DYNC1H1: variants seen among roughly 807,000 people sequenced by gnomAD.
DYNC1H1 encodes dynein cytoplasmic 1 heavy chain 1, also known as cytoplasmic dynein 1 heavy chain 1.
A neutral mutation model predicts 527.1 loss-of-function variants in DYNC1H1; 51 were observed. The observed-to-expected ratio is 0.10, with a 90% CI of 0.08 to 0.12. The LOEUF is 0.12. Among genes scored for constraint, DYNC1H1 ranks in the 10% least tolerant of loss-of-function variants. The pLI is 1.00. For missense variants in DYNC1H1, 2,771 were observed against 5,971.8 expected (o/e 0.46, Z 17.66); for synonymous variants, 2,189 against 2,278.8 (o/e 0.96, Z 1.12).
At chr14:101,994,353 T>A in intron 12 of DYNC1H1, 29 bp downstream of exon 12, 1 of 1,614,094 alleles carries the variant, frequency 6.2e-7, no homozygotes, top group East Asian at 2.2e-5. Context: ...CATTCAAATG[T>A]GCATATGGTC....
intron 42 of DYNC1H1, among the ~76,000 whole-genome samples, chr14:102,022,265 G>A (rs1057291603): frequency 6.6e-6 from 1 of 151,962 alleles, no homozygotes; most frequent in African/African-American, 2.4e-5. Flanking sequence ...GGGAGGCCGA[G>A]GCGGGCGGAT....
chr14:102,038,286 T>C lies in DYNC1H1; in HGVS notation c.10909-174T>C, dbSNP rs537298040. On this transcript the variant is annotated intron_variant, in intron 57 of 77. Transcript: ENST00000360184. This position sits in a 1 kb window ranked among gnomAD's most constrained non-coding sequence, Gnocchi z 7.2. ...GAGCCACCGCATCTGGCTGAGTTTT[T>C]AATTTTAGTTCATTTAAATGTAAGT... 4 of 1,148,958 alleles carry C rather than the reference T, an allele frequency of 3.5e-6. No individual in the cohort carries two copies. The African/African-American group carries it at 6.1e-5, about 18-fold the overall frequency. The allele number at this position is 1,148,958 out of a possible 1,614,324, so 71.2% of individuals were successfully genotyped here.
rs767550205 is a variant in DYNC1H1 at position 102,028,117 on chromosome 14, G to T, written c.9444G>T (p.Val3148=). ...SHREAIVNSC[V]FVHQTLHQAN... The stretch of plus-strand genomic sequence containing the variant: ...GGGAAGCCATTGTGAACAGCTGTGT[G>T]TTTGTTCATCAGACTCTTCACCAGG... The change falls in exon 48 of 78, where the codon GTG becomes GTT. Residue 3148 remains valine (V), a synonymous_variant. Coordinates refer to ENST00000360184, the MANE Select transcript of DYNC1H1 (RefSeq NM_001376.5). The T allele has an allele frequency of 1.2e-6, 2 of 1,614,016 alleles. No individual in the cohort carries two copies. The highest frequency in any genetic ancestry group is 1.3e-5 in the African/African-American group (1 of 74,938).
chr14:102,026,480 C>G, intron 43 of DYNC1H1, 94 bp from the exon 44 acceptor site: 2 of 1,361,576 alleles, frequency 1.5e-6, no homozygotes, highest in Admixed American at 3.8e-5. Context: ...GCATTTTTAA[C>G]AGTTTCTTCA....
chr14:102,038,049 C>T lies in DYNC1H1; in HGVS notation c.10909-411C>T. On this transcript the variant is annotated intron_variant, in intron 57 of 77. Coordinates refer to ENST00000360184, the MANE Select transcript of DYNC1H1 (RefSeq NM_001376.5). The surrounding 1 kb of genome is among the most constrained non-coding windows in gnomAD (Gnocchi z 7.2). Reference sequence around the variant, plus strand: ...TATGTTTTTTTGAGACAGAGTGTTGCTCTGTCCCCCAGTCTGAACCTCCCA... The same window carrying T: ...TATGTTTTTTTGAGACAGAGTGTTGTTCTGTCCCCCAGTCTGAACCTCCCA... The T allele has an allele frequency of 3.0e-6, 1 of 331,372 alleles. No homozygotes were observed. The highest frequency in any genetic ancestry group is 5.9e-6 in the Non-Finnish European group (1 of 169,514). 20.5% of individuals were successfully genotyped at this position (331,372 alleles called of 1,614,324 possible).
rs572865552 is a variant in DYNC1H1 at position 101,995,222 on chromosome 14, C to T, written c.3486C>T (p.Ser1162=). Residue 1162 remains serine (S), a synonymous_variant, in exon 15 of 78, where the codon AGC becomes AGT. Coordinates refer to ENST00000360184, the MANE Select transcript of DYNC1H1 (RefSeq NM_001376.5). ...ELEQHSVDTA[S]TSDAVTFITY... Reference sequence around the variant, plus strand: ...AGCAGCACTCAGTAGACACGGCCAGCACCTCCGATGCAGTGACCTTCATCA... The same window carrying T: ...AGCAGCACTCAGTAGACACGGCCAGTACCTCCGATGCAGTGACCTTCATCA... 6.2e-7 allele frequency: 1 copy of T among 1,614,224 alleles called. No homozygotes were observed. The highest frequency in any genetic ancestry group is 8.5e-7 in the Non-Finnish European group (1 of 1,180,042).
chr14:101,991,270 T>C (rs1364621521), intron 10 of DYNC1H1, among the ~76,000 whole-genome samples: 1 of 152,126 alleles, frequency 6.6e-6, no homozygotes, highest in Non-Finnish European at 1.5e-5. Context: ...GGTCAGGAGT[T>C]TGAGACCAAC....
intron 51 of DYNC1H1, among the ~76,000 whole-genome samples, chr14:102,032,042 A>G (rs558657256): frequency 1.3e-4 from 20 of 152,352 alleles, no homozygotes; most frequent in Admixed American, 1.0e-3. Context: ...CTGCTTTTTA[A>G]GGAATGCTAG....
rs1396151978 is a variant in DYNC1H1 at position 102,020,090 on chromosome 14, C to G, written c.8507+34C>G. On this transcript the variant is annotated intron_variant, in intron 42 of 77. Coordinates refer to ENST00000360184, the MANE Select transcript of DYNC1H1 (RefSeq NM_001376.5). The surrounding 1 kb of genome is among the most constrained non-coding windows in gnomAD (Gnocchi z 4.3). ...AGCCGAGGATCCAGTTGGTCCCATT[C>G]TCCCCTGCTCTGAGTTCTTACAGCT... 1.2e-5 allele frequency: 20 copies of G among 1,611,458 alleles called. No homozygotes were observed. The highest frequency in any genetic ancestry group is 1.7e-5 in the Non-Finnish European group (20 of 1,178,910).
rs2047895232 is a variant in DYNC1H1, at chr14:101,983,741, G to A, written c.1461+132G>A. The A allele has an allele frequency of 9.4e-7, 1 of 1,066,636 alleles. No individual in the cohort carries two copies. Among genetic ancestry groups the A allele is most frequent in the South Asian group, 1.4e-5 (1 of 71,146 alleles). The allele number at this position is 1,066,636 out of a possible 1,614,324, so 66.1% of individuals were successfully genotyped here. On this transcript the variant is annotated intron_variant, in intron 7 of 77. Transcript: ENST00000360184. This position sits in a 1 kb window ranked among gnomAD's most constrained non-coding sequence, Gnocchi z 5.3. ...TGCCCAGGCTGGAGTGCAATGGCATGATCTTGGCTCACTGCAACCTCCGCC... is the reference window on the plus strand; with the variant it reads ...TGCCCAGGCTGGAGTGCAATGGCATAATCTTGGCTCACTGCAACCTCCGCC...
In DYNC1H1 at chr14:102,039,523, A is replaced by C. The variant is rs768800353; in HGVS notation, c.11572A>C (p.Ile3858Leu). 6.2e-7 allele frequency: 1 copy of C among 1,614,098 alleles called. No individual in the cohort carries two copies. Among genetic ancestry groups the C allele is most frequent in the African/African-American group, 1.3e-5 (1 of 74,936 alleles). The change falls in exon 61 of 78, where the codon ATT (isoleucine) becomes CTT (leucine). Residue 3858 changes from isoleucine (I) to leucine (L), a missense_variant. Ile to Leu is a conservative substitution (Grantham distance 5). Coordinates refer to ENST00000360184, the MANE Select transcript of DYNC1H1 (RefSeq NM_001376.5). This position sits in a 1 kb window ranked among gnomAD's most constrained non-coding sequence, Gnocchi z 7.0. Reference protein sequence around the residue: ...GVTDHTQRLSIITKDLFQVAF... With the variant: ...GVTDHTQRLSLITKDLFQVAF... Reference sequence around the variant, plus strand: ...CACCGACCACACACAGCGCCTGTCCATTATAACAAAGGACCTCTTCCAGGT... The same window carrying C: ...CACCGACCACACACAGCGCCTGTCCCTTATAACAAAGGACCTCTTCCAGGT...
intron 7 of DYNC1H1, among the ~76,000 whole-genome samples, chr14:101,984,580 A>G (rs1383394087): frequency 2.0e-5 from 3 of 147,168 alleles, no homozygotes; most frequent in Non-Finnish European, 1.5e-5. Context: ...GCCTCCGAGT[A>G]GCCGGAATTA....
At chr14:101,967,395 CTTTTA>C (rs1279623485) in intron 1 of DYNC1H1, among the ~76,000 whole-genome samples, 1 of 152,182 alleles carries the variant, frequency 6.6e-6, no homozygotes, top group African/African-American at 2.4e-5. Context: ...GTAGAAATTA[CTTTTA>C]TTTATTTTAT....
chr14:102,011,660 G>A lies in DYNC1H1; in HGVS notation c.6619-215G>A, dbSNP rs2048259938. 1 of 578,340 alleles carries A rather than the reference G, an allele frequency of 1.7e-6. No homozygotes were observed. The highest frequency in any genetic ancestry group is 2.0e-5 in the South Asian group (1 of 50,692). 35.8% of individuals were successfully genotyped at this position (578,340 alleles called of 1,614,324 possible). ...CCAGCTACTTGGGAGAGTGAGGAAG[G>A]AGAATCACTTGAACCTGGGAGGTGG... On this transcript the variant is annotated intron_variant, in intron 32 of 77. Transcript: ENST00000360184. This position sits in a 1 kb window ranked among gnomAD's most constrained non-coding sequence, Gnocchi z 5.3.
At position 102,039,089 on chromosome 14, in the gene DYNC1H1, G is replaced by A. The variant is rs372847973; in HGVS notation, c.11295G>A (p.Thr3765=). The A allele has an allele frequency of 3.5e-5, 57 of 1,614,102 alleles. No individual in the cohort carries two copies. The highest frequency in any genetic ancestry group is 1.6e-4 in the South Asian group (15 of 91,090). The change falls in exon 60 of 78, where the codon ACG becomes ACA. Residue 3765 remains threonine, a synonymous_variant. Coordinates refer to ENST00000360184, the MANE Select transcript of DYNC1H1 (RefSeq NM_001376.5). This position sits in a 1 kb window ranked among gnomAD's most constrained non-coding sequence, Gnocchi z 7.0. ...EVKGRILDDD[T]IITTLENLKR... is the part of the protein sequence containing the mutation. ...AAGGGCGCATTTTGGATGACGACAC[G>A]ATCATAACCACTCTGGAGAACCTGA... is the stretch of plus-strand genomic sequence containing the variant.
Position 102,012,103 on chromosome 14 carries a change from G to A in DYNC1H1, c.6847G>A (p.Val2283Met), listed in dbSNP as rs374569905. 25 of 1,614,068 alleles carry A rather than the reference G, an allele frequency of 1.5e-5. No homozygotes were observed. Among genetic ancestry groups the A allele is most frequent in the South Asian group, 5.5e-5 (5 of 91,088 alleles). The change falls in exon 33 of 78, where the codon GTG (valine) becomes ATG (methionine). Residue 2283 changes from valine to methionine, a missense_variant. This residue lies in a region of DYNC1H1 where 56 missense variants were observed against 183.8 expected (regional missense o/e 0.30). Coordinates refer to ENST00000360184, the MANE Select transcript of DYNC1H1 (RefSeq NM_001376.5). The surrounding 1 kb of genome is among the most constrained non-coding windows in gnomAD (Gnocchi z 4.9). ...ATGGACAGATGGGCTCTTCACACACGTGCTGAGAAAGTACGTCTTCTTTGA... is the reference window on the plus strand; with the variant it reads ...ATGGACAGATGGGCTCTTCACACACATGCTGAGAAAGTACGTCTTCTTTGA... ...REWTDGLFTH[V>M]LRKIIDSVRG...
intron 1 of DYNC1H1, among the ~76,000 whole-genome samples, chr14:101,970,827 A>C (rs537822021): frequency 7.9e-5 from 12 of 152,070 alleles, no homozygotes; most frequent in African/African-American, 2.6e-4. Context: ...AGATAAAGAG[A>C]ACCCCAGGAA....
At chr14:101,980,579 G>A (rs1283130519) in intron 5 of DYNC1H1, 29 bp downstream of exon 5, 2 of 1,608,746 alleles carry the variant, frequency 1.2e-6, no homozygotes, top group Non-Finnish European at 1.7e-6. Flanking sequence ...AATCTGATCA[G>A]TAAGTTATTG....
Position 102,054,533 on chromosome 14 carries a change from C to G in DYNC1H1, c.*3970C>G, listed in dbSNP as rs2048856015. 2.0e-5 allele frequency: 3 copies of G among 149,938 alleles called. No individual in the cohort carries two copies. Among genetic ancestry groups the G allele is most frequent in the South Asian group, 4.2e-4 (2 of 4,732 alleles). 9.3% of individuals were successfully genotyped at this position (149,938 alleles called of 1,614,324 possible). ...GCCAGGGCCACCCAAACACCAGTTA[C>G]AACACCATCACCAACAGAGCCTTTG... On this transcript the variant is annotated 3_prime_UTR_variant, in exon 78 of 78. Transcript: ENST00000360184.
Sources: allele counts gnomAD v4.1 joint callset (sites outside exome capture counted in the v4.1 genomes callset), GRCh38; gene constraint gnomAD v4.1.1; regional missense constraint gnomAD v4.1.1; non-coding constraint Gnocchi (gnomAD v3.1); transcripts MANE v1.5; gene names NCBI Gene and HGNC (gene_info 2026-07-23, HGNC 2026-07-21).